NME8: variants seen among roughly 807,000 people sequenced by gnomAD.
NME8 encodes NME/NM23 family member 8.
In NME8, 72 loss-of-function variants were observed where a neutral mutation model predicts 82.3. The observed-to-expected ratio is 0.87, with a 90% confidence interval of 0.72 to 1.06. The LOEUF (loss-of-function observed/expected upper bound fraction) is 1.06, where lower values mean the gene tolerates loss of function less well. Ranked by LOEUF, NME8 falls within the 50% of genes least tolerant of loss-of-function variation. NME8 has a pLI of 0.00. For missense variants in NME8, 712 were observed against 685.4 expected, an observed-to-expected ratio of 1.04 and a Z score of -0.43; for synonymous variants, 267 against 228.5, an observed-to-expected ratio of 1.17 and a Z score of -1.52.
chr7:37,850,282 C>A lies in NME8; in HGVS notation c.16C>A (p.Arg6=). The A allele has an allele frequency of 1.2e-6, 2 of 1,613,978 alleles. No individual in the cohort carries two copies. The highest frequency in any genetic ancestry group is 1.7e-6 in the Non-Finnish European group (2 of 1,179,898). The part of the protein sequence containing the change: MASKK[R]EVQLQTVINN... The stretch of plus-strand genomic sequence containing the variant: ...TAGTAGATAAATGGCAAGCAAAAAA[C>A]GAGAAGTCCAGTTACAGGTGGGTCT... Residue 6 remains arginine (R), a synonymous_variant, in exon 3 of 18, where the codon CGA becomes AGA. Transcript: ENST00000199447.
chr7:37,857,116 G>A (rs942215199), intron 5 of NME8, among the ~76,000 whole-genome samples, 158 bp from the exon 6 acceptor site: 13 of 152,264 alleles, frequency 8.5e-5, no homozygotes, highest in Admixed American at 3.3e-4. Flanking sequence ...GGCTTGAATC[G>A]CCAGTATGTG....
Position 37,891,027 on chromosome 7 carries a change from T to G in NME8, c.1399+2599T>G, listed in dbSNP as rs138419740. Among the ~76,000 whole-genome samples the G allele has an allele frequency of 2.7e-3, 406 of 152,090 alleles. 4 individuals carry two copies. Among genetic ancestry groups the G allele is most frequent in the African/African-American group, 9.3e-3 (386 of 41,548 alleles). The stretch of plus-strand genomic sequence containing the variant: ...TTAATTTTTTAAGAGCTGTTGAGCC[T>G]TTTTTCATGTATCTGTTGGTCATTG... On this transcript the variant is annotated intron_variant, in intron 15 of 17. Transcript: ENST00000199447.
chr7:37,885,965 T>C (rs1376397508), intron 14 of NME8, among the ~76,000 whole-genome samples: 1 of 152,208 alleles, frequency 6.6e-6, no homozygotes, highest in Non-Finnish European at 1.5e-5. Context: ...TGCAAGAATA[T>C]AGATGCTCTT....
At chr7:37,850,350 AC>A (rs1784421450) in intron 3 of NME8, 27 bp from the exon 4 acceptor site, 6 of 1,614,028 alleles carry the variant, frequency 3.7e-6, no homozygotes, top group Non-Finnish European at 4.2e-6. Context: ...GTGCTTGAAT[AC>A]CTTTTACAGT....
chr7:37,858,544 G>T (rs916529516), intron 6 of NME8, among the ~76,000 whole-genome samples: 5 of 152,068 alleles, frequency 3.3e-5, no homozygotes, highest in African/African-American at 1.2e-4. Flanking sequence ...ACAGTCTCTG[G>T]ACTGGGTTGA....
In NME8 at chr7:37,876,859, T is replaced by G. The variant is rs1466726588; in HGVS notation, c.846T>G (p.His282Gln). 2.5e-6 allele frequency: 4 copies of G among 1,612,906 alleles called. No homozygotes were observed. The highest frequency in any genetic ancestry group is 2.5e-6 in the Non-Finnish European group (3 of 1,179,248). Residue 282 changes from histidine (H) to glutamine (Q), a missense_variant, in exon 12 of 18, where the codon CAT (histidine) becomes CAG (glutamine). His to Gln is a conservative substitution (Grantham distance 24). Coordinates refer to ENST00000199447, the MANE Select transcript of NME8 (RefSeq NM_016616.5). Reference protein sequence around the residue: ...DSLQEYLERQHLAQLCDIEED... With the variant: ...DSLQEYLERQQLAQLCDIEED... ...TACAAGAATATCTGGAAAGACAACA[T>G]TTAGCTCAGCTCTGTGACATTGAAG...
chr7:37,866,249 C>T (rs920430558), intron 10 of NME8, among the ~76,000 whole-genome samples: 1 of 151,934 alleles, frequency 6.6e-6, no homozygotes, highest in African/African-American at 2.4e-5. Context: ...TGTGAAGTCT[C>T]AGTTGCACTA....
chr7:37,868,080 TG>T (rs1784717140), intron 11 of NME8, among the ~76,000 whole-genome samples, 182 bp downstream of exon 11: 1 of 152,344 alleles, frequency 6.6e-6, no homozygotes, highest in African/African-American at 2.4e-5. Flanking sequence ...GTCAGATACC[TG>T]GCATTGGAAA....
Position 37,894,608 on chromosome 7 carries a change from T to C in NME8, c.1542T>C (p.Ser514=). 1 of 1,586,076 alleles carries C rather than the reference T, an allele frequency of 6.3e-7. No individual in the cohort carries two copies. The highest frequency in any genetic ancestry group is 8.6e-7 in the Non-Finnish European group (1 of 1,156,288). ...DFYKDLLEML[S]VGPSMVMILT... is the part of the protein sequence containing the mutation. ...ATAAAGATTTATTGGAAATGTTATC[T>C]GTGTAAGTTTCTGATACATAATTGT... The change falls in exon 16 of 18, where the codon TCT becomes TCC. Residue 514 remains serine (S), a splice_region_variant and synonymous_variant. Transcript: ENST00000199447.
In NME8 at chr7:37,884,387, C is replaced by A; in HGVS notation, c.1079C>A (p.Ala360Glu). The A allele has an allele frequency of 6.2e-7, 1 of 1,606,696 alleles. No homozygotes were observed. Among genetic ancestry groups the A allele is most frequent in the East Asian group, 2.2e-5 (1 of 44,790 alleles). ...GTATTATCGGAAAAAGAAGCACAAG[C>A]ACTGTGCAAGGAATATGAAAATGAA... ...QVVLSEKEAQALCKEYENEDY... is the reference protein window; with the variant it reads ...QVVLSEKEAQELCKEYENEDY... The change falls in exon 13 of 18, where the codon GCA becomes GAA. Residue 360 changes from alanine to glutamate, a missense_variant. Physicochemically the swap from Ala to Glu is moderately radical, Grantham distance 107. Coordinates refer to ENST00000199447, the MANE Select transcript of NME8 (RefSeq NM_016616.5).
intron 12 of NME8, among the ~76,000 whole-genome samples, chr7:37,882,615 G>GA (rs748021037): frequency 1.4e-5 from 1 of 72,250 alleles, no homozygotes; most frequent in Non-Finnish European, 3.1e-5. Context: ...GAGAGAGAGA[G>GA]AAAGAAAGAA....
rs749905197 is a variant in NME8 at position 37,888,233 on chromosome 7, C to G, written c.1248-44C>G. The stretch of plus-strand genomic sequence containing the variant: ...CTTATAGAAATTGTGTTATATTATT[C>G]TGTTCTGTTCTAATAGCTTTTAAAC... On this transcript the variant is annotated intron_variant, in intron 14 of 17. Coordinates refer to ENST00000199447, the MANE Select transcript of NME8 (RefSeq NM_016616.5). The G allele has an allele frequency of 3.2e-6, 5 of 1,580,318 alleles. No individual in the cohort carries two copies. The Admixed American group carries it at 8.4e-5, about 26-fold the overall frequency.
intron 15 of NME8, among the ~76,000 whole-genome samples, chr7:37,893,412 G>A (rs1374108106): frequency 6.6e-6 from 1 of 152,094 alleles, no homozygotes; most frequent in Non-Finnish European, 1.5e-5. Context: ...GTTTTTAGAG[G>A]AAAGTCCAGA....
chr7:37,865,883 A>G (rs1784669077), intron 10 of NME8, among the ~76,000 whole-genome samples: 1 of 152,134 alleles, frequency 6.6e-6, no homozygotes, highest in African/African-American at 2.4e-5. Context: ...AGGCCCTCCA[A>G]GAGCCCCTGC....
At chr7:37,879,801 T>C (rs1364630412) in intron 12 of NME8, among the ~76,000 whole-genome samples, 1 of 152,212 alleles carries the variant, frequency 6.6e-6, no homozygotes, top group Non-Finnish European at 1.5e-5. Flanking sequence ...CTGTACCACT[T>C]TCCATTTTTG....
At position 37,885,221 on chromosome 7, in the gene NME8, G is replaced by T. The variant is rs1032316700; in HGVS notation, c.1216G>T (p.Val406Phe). The T allele has an allele frequency of 9.9e-6, 16 of 1,612,820 alleles. No individual in the cohort carries two copies. The highest frequency in any genetic ancestry group is 4.0e-5 in the African/African-American group (3 of 74,884). ...GAAACAATTACTGGGACCAAGAACT[G>T]TTGAAGAAGCCATTGAATATTTTCC... is the stretch of plus-strand genomic sequence containing the variant. ...YWKQLLGPRT[V>F]EEAIEYFPES... The change falls in exon 14 of 18, where the codon GTT (valine) becomes TTT (phenylalanine). Residue 406 changes from valine to phenylalanine, a missense_variant. Val to Phe is a conservative substitution (Grantham distance 50, BLOSUM62 -1). Coordinates refer to ENST00000199447, the MANE Select transcript of NME8 (RefSeq NM_016616.5).
chr7:37,850,771 CATT>C (rs1784428064), intron 5 of NME8, 36 bp downstream of exon 5: 1 of 1,348,978 alleles, frequency 7.4e-7, no homozygotes, highest in South Asian at 1.2e-5. Flanking sequence ...ACTGTTTTCA[CATT>C]ATATTAAGTT....
chr7:37,856,038 C>G (rs1436101785), intron 5 of NME8, among the ~76,000 whole-genome samples: 2 of 152,112 alleles, frequency 1.3e-5, no homozygotes, highest in Non-Finnish European at 2.9e-5. Context: ...TCAGGCAAGT[C>G]AGCTCTTTCT....
Position 37,865,676 on chromosome 7 carries a change from C to A in NME8, c.621+59C>A. 3 of 1,141,604 alleles carry A rather than the reference C, an allele frequency of 2.6e-6. No homozygotes were observed. The South Asian group carries it at 3.8e-5, about 14-fold the overall frequency. 70.7% of individuals were successfully genotyped at this position (1,141,604 alleles called of 1,614,324 possible). ...GTTTAAATACAGTGGCCTCCATAAG[C>A]TTTAAATCTTTATTACAGAAAAGCA... On this transcript the variant is annotated intron_variant, in intron 10 of 17. Coordinates refer to ENST00000199447, the MANE Select transcript of NME8 (RefSeq NM_016616.5).
Sources: gnomAD v4.1 joint callset for allele counts (sites outside exome capture counted in the v4.1 genomes callset) on GRCh38, gnomAD v4.1.1 for gene constraint, MANE v1.5 for transcripts, NCBI Gene and HGNC (gene_info 2026-07-23, HGNC 2026-07-21) for gene names.